Variants in CACNA1S observed in about 807,000 individuals in gnomAD.
The protein encoded by CACNA1S is voltage-dependent L-type calcium channel subunit alpha-1S.
CACNA1S carries 126 observed loss-of-function variants against 207.4 expected under a neutral mutation model. The observed-to-expected ratio is 0.61, with a 90% CI of 0.53 to 0.70. The LOEUF (loss-of-function observed/expected upper bound fraction) is 0.70, where lower values mean the gene tolerates loss of function less well. Among genes scored for constraint, CACNA1S ranks in the 30% least tolerant of loss-of-function variants. The probability of loss-of-function intolerance (pLI) is 0.00; values close to 1 mark genes in which losing one functional copy is unlikely to be tolerated. For missense variants in CACNA1S, 2,349 were observed against 2,422.8 expected, an observed-to-expected ratio of 0.97 and a Z score of 0.64; for synonymous variants, 960 against 932.7, an observed-to-expected ratio of 1.03 and a Z score of -0.53.
intron 19 of CACNA1S, among the ~76,000 whole-genome samples, chr1:201,068,474 C>G (rs923684568): frequency 6.7e-6 from 1 of 150,250 alleles, no homozygotes; most frequent in East Asian, 2.0e-4. Flanking sequence ...AACTCTTGAC[C>G]TCAGGTGATC....
Position 201,053,324 on chromosome 1 carries a change from G to A in CACNA1S, c.3796-50C>T. The A allele has an allele frequency of 1.9e-6, 3 of 1,611,276 alleles. No individual in the cohort carries two copies. Among genetic ancestry groups the A allele is most frequent in the Non-Finnish European group, 2.5e-6 (3 of 1,177,476 alleles). On this transcript the variant is annotated intron_variant, in intron 30 of 43. Transcript: ENST00000362061. The surrounding 1 kb of genome is among the most constrained non-coding windows in gnomAD (Gnocchi z 5.1). ...TCAGTGTCTTAGGGCTCCACTGTGT[G>A]TCTGCAGCCCTGCCCTCTGTTAGCT...
rs530780988 is a variant in CACNA1S, at chr1:201,074,618, T to G, written c.1951A>C (p.Ile651Leu). ...ATGGCCAGGAAGACATTGAGCAGGA[T>G]GTCTGAGCGGGTTTAGCTAAGGAGC... is the stretch of plus-strand genomic sequence containing the variant. ...FIILFVCGNYILLNVFLAIAV... is the reference protein window; with the variant it reads ...FIILFVCGNYLLLNVFLAIAV... The change falls in exon 14 of 44, where the codon ATC (isoleucine) becomes CTC (leucine). Residue 651 changes from isoleucine (I) to leucine (L), a missense_variant and splice_region_variant. Ile to Leu is a conservative substitution (Grantham distance 5). Transcript: ENST00000362061. 3 of 1,607,588 alleles carry G rather than the reference T, an allele frequency of 1.9e-6. No individual in the cohort carries two copies.
Position 201,091,704 on chromosome 1 carries a change from A to AT in CACNA1S, c.629dup (p.Tyr210Ter). The AT allele has an allele frequency of 6.2e-7, 1 of 1,614,114 alleles. No homozygotes were observed. Residue 210 changes from tyrosine to a stop codon, truncating the protein, a stop_gained and frameshift_variant, in exon 5 of 44, where the codon TAT becomes TAAT. Coordinates refer to ENST00000362061, the MANE Select transcript of CACNA1S (RefSeq NM_000069.3). LOFTEE classifies it high-confidence loss of function. ...ALLVLFMVII[Y>*]AIIGLELFKG... Reference sequence around the variant, plus strand: ...TGAAGAGCTCCAGCCCGATGATGGCATAGATGATGACCATAAAGAGGACCA... The same window carrying AT: ...TGAAGAGCTCCAGCCCGATGATGGCATTAGATGATGACCATAAAGAGGACCA...
chr1:201,057,403 C>T (rs1179701807), intron 28 of CACNA1S, among the ~76,000 whole-genome samples: 1 of 152,256 alleles, frequency 6.6e-6, no homozygotes, highest in African/African-American at 2.4e-5. Context: ...CCATTCTCTT[C>T]CACTCTAAGC....
intron 39 of CACNA1S, 146 bp downstream of exon 39, chr1:201,044,182 G>T (rs1271726210): frequency 4.6e-6 from 4 of 866,102 alleles, no homozygotes; most frequent in Non-Finnish European, 7.4e-6. Context: ...CCCAGGAGAG[G>T]TGGGTGGTGA....
At position 201,109,813 on chromosome 1, in the gene CACNA1S, AC is replaced by A. The variant is rs144996820; in HGVS notation, c.258+350del. 4.2e-3 allele frequency among the ~76,000 whole-genome samples: 635 copies of A among 152,346 alleles called. 4 individuals carry two copies. Among genetic ancestry groups the A allele is most frequent in the Middle Eastern group, 0.017 (5 of 294 alleles). On this transcript the variant is annotated intron_variant, in intron 2 of 43. Transcript: ENST00000362061. ...AATTAGCATTCAACCTCTGTGGCTC[AC>A]TAGCTGACCTTACTAAGCCTCAGTT...
chr1:201,109,243 C>CAA (rs56739161), intron 2 of CACNA1S, among the ~76,000 whole-genome samples: 5 of 118,552 alleles, frequency 4.2e-5, no homozygotes, highest in African/African-American at 1.5e-4. Context: ...GACTCTGTCT[C>CAA]AAAAAAAAAA....
intron 5 of CACNA1S, 66 bp downstream of exon 5, chr1:201,091,574 G>C: frequency 6.3e-7 from 1 of 1,576,532 alleles, no homozygotes; most frequent in Non-Finnish European, 8.7e-7. Flanking sequence ...TCACCAGGTA[G>C]GGTGGCTCCC....
Position 201,076,966 on chromosome 1 carries a change from C to T in CACNA1S, c.1781G>A (p.Arg594His), listed in dbSNP as rs762032797. Residue 594 changes from arginine (R) to histidine (H), a missense_variant, in exon 12 of 44, where the codon CGC becomes CAC. Physicochemically the swap from Arg to His is conservative, Grantham distance 29. Transcript: ENST00000362061. ...RYDFEDTEVR[R>H]SNFDNFPQAL... The stretch of plus-strand genomic sequence containing the variant: ...TTGGGGAAAGTTGTCAAAGTTGCTG[C>T]GCCGTACTTCTGTGTCTTCAAAGTC... 9 of 1,614,098 alleles carry T rather than the reference C, an allele frequency of 5.6e-6. No homozygotes were observed. The highest frequency in any genetic ancestry group is 4.5e-5 in the East Asian group (2 of 44,894).
At chr1:201,069,735 C>T (rs1445026270) in intron 17 of CACNA1S, 134 bp from the exon 18 acceptor site, 8 of 1,088,318 alleles carry the variant, frequency 7.4e-6, no homozygotes, top group Middle Eastern at 2.9e-4. Flanking sequence ...TGCAGCCCTG[C>T]ACCTGCAGGG....
At chr1:201,063,196 A>G (rs1661128086) in intron 22 of CACNA1S, among the ~76,000 whole-genome samples, 2 of 151,182 alleles carry the variant, frequency 1.3e-5, no homozygotes, top group African/African-American at 4.9e-5. Flanking sequence ...TTATACTTTA[A>G]GTTTTAGGGT....
intron 5 of CACNA1S, among the ~76,000 whole-genome samples, chr1:201,090,323 GATCAAAGGTCACCTCCT>G (rs1179522854): frequency 6.6e-6 from 1 of 152,164 alleles, no homozygotes; most frequent in Non-Finnish European, 1.5e-5. Context: ...TTGAAGGTGT[GATCAAAGGTCACCTCCT>G]ATCCATCCTG....
At chr1:201,081,432 C>T (rs536486750) in intron 10 of CACNA1S, among the ~76,000 whole-genome samples, 5 of 152,216 alleles carry the variant, frequency 3.3e-5, no homozygotes, top group Admixed American at 2.0e-4. Flanking sequence ...AGTCTTTTCT[C>T]GTATCCTACT....
chr1:201,090,109 C>G (rs1553252620), intron 5 of CACNA1S, among the ~76,000 whole-genome samples: 1 of 152,206 alleles, frequency 6.6e-6, no homozygotes, highest in Non-Finnish European at 1.5e-5. Context: ...CTCATCAGAA[C>G]TGGAACACCC....
intron 26 of CACNA1S, 25 bp downstream of exon 26, chr1:201,060,633 C>T: frequency 1.2e-6 from 2 of 1,614,094 alleles, no homozygotes; most frequent in South Asian, 1.1e-5. Context: ...TCTGATCAGA[C>T]ATTTTTCTCC....
intron 7 of CACNA1S, among the ~76,000 whole-genome samples, chr1:201,086,917 A>G (rs1662055923): frequency 6.6e-6 from 1 of 152,262 alleles, no homozygotes; most frequent in Non-Finnish European, 1.5e-5. Context: ...GTTCATTACT[A>G]AAGGAAACAC....
At chr1:201,051,830 C>T (rs549354979) in intron 32 of CACNA1S, among the ~76,000 whole-genome samples, 32 of 152,266 alleles carry the variant, frequency 2.1e-4, no homozygotes, top group Admixed American at 1.9e-3. Flanking sequence ...AGGGTGGCCT[C>T]GGGTTTGGAG....
intron 25 of CACNA1S, 141 bp from the exon 26 acceptor site, chr1:201,060,957 A>C (rs1558062069): frequency 5.6e-6 from 6 of 1,070,850 alleles, no homozygotes; most frequent in Non-Finnish European, 8.6e-6. Flanking sequence ...GTTTAGGGGA[A>C]TAATCCTGTT....
Position 201,049,122 on chromosome 1 carries a change from G to A in CACNA1S, c.4242-23C>T, listed in dbSNP as rs775317860. ...CCCCTGCGGGAGGACACACAGACTT[G>A]TGTACCTGCTACCCTCCTCCGCTGC... On this transcript the variant is annotated intron_variant, in intron 34 of 43. Coordinates refer to ENST00000362061, the MANE Select transcript of CACNA1S (RefSeq NM_000069.3). 5 of 1,542,904 alleles carry A rather than the reference G, an allele frequency of 3.2e-6. No individual in the cohort carries two copies. The Admixed American group carries it at 6.9e-5, about 21-fold the overall frequency.
Sources: gnomAD v4.1 joint callset for allele counts (sites outside exome capture counted in the v4.1 genomes callset) on GRCh38, gnomAD v4.1.1 for gene constraint, Gnocchi (gnomAD v3.1) non-coding constraint, MANE v1.5 for transcripts, NCBI Gene and HGNC (gene_info 2026-07-23, HGNC 2026-07-21) for gene names.